PTMA: variants seen among roughly 807,000 people sequenced by gnomAD.
PTMA encodes gene sequence 28.
In PTMA, 4 loss-of-function variants were observed where a neutral mutation model predicts 16.9. The ratio of observed to expected loss-of-function variants is 0.24; its 90% CI spans 0.12 to 0.54. The LOEUF (loss-of-function observed/expected upper bound fraction) is 0.54, where lower values mean the gene tolerates loss of function less well. PTMA is among the 20% of genes least tolerant of loss of function. PTMA has a pLI of 0.95. For synonymous variants in PTMA, 58 were observed against 47.9 expected, an observed-to-expected ratio of 1.21 and a Z score of -0.87; for missense variants, 120 against 137.7, an observed-to-expected ratio of 0.87 and a Z score of 0.64.
At chr2:231,710,960 G>A (rs567855340) in intron 1 of PTMA, among the ~76,000 whole-genome samples, 2 of 152,266 alleles carry the variant, frequency 1.3e-5, no homozygotes, top group African/African-American at 2.4e-5. Flanking sequence ...CTTTCTAGAC[G>A]GCTCGAGGGG....
intron 1 of PTMA, among the ~76,000 whole-genome samples, chr2:231,709,126 C>T (rs956276786): frequency 1.5e-4 from 23 of 152,196 alleles, no homozygotes; most frequent in Admixed American, 6.5e-5. Context: ...AACTCAAGCG[C>T]GTTGGGAATC....
At chr2:231,708,964 G>C (rs1230037765) in intron 1 of PTMA, among the ~76,000 whole-genome samples, 1 of 152,218 alleles carries the variant, frequency 6.6e-6, no homozygotes, top group Non-Finnish European at 1.5e-5. Context: ...GCCCGTCGGG[G>C]AGTGGGCCGG....
intron 1 of PTMA, chr2:231,709,983 A>T: frequency 1.0e-6 from 1 of 1,000,476 alleles, no homozygotes; most frequent in Non-Finnish European, 1.3e-6. Flanking sequence ...TTCTGGACTC[A>T]GTCCGGGAAT....
At chr2:231,712,602 CTGTT>C in intron 4 of PTMA, 86 bp downstream of exon 4, 1 of 1,456,016 alleles carries the variant, frequency 6.9e-7, no homozygotes, top group Non-Finnish European at 9.6e-7. Context: ...TGCGGAGGGA[CTGTT>C]TCTGACTTTG....
Position 231,711,411 on chromosome 2 carries a change from G to A in PTMA, c.109G>A (p.Gly37Arg). 6.2e-7 allele frequency: 1 copy of A among 1,614,102 alleles called. No individual in the cohort carries two copies. Among genetic ancestry groups the A allele is most frequent in the Non-Finnish European group, 8.5e-7 (1 of 1,179,948 alleles). The change falls in exon 2 of 5, where the codon GGG becomes AGG. Residue 37 changes from glycine to arginine, a missense_variant. By Grantham distance (125) the Gly-to-Arg change is moderately radical. Coordinates refer to ENST00000409115, the MANE Select transcript of PTMA (RefSeq NM_002823.5). ...AAATGGAAGAGACGCCCCTGCTAAC[G>A]GGAATGCTGTGAGTGTCTGCTTTGC... ...AENGRDAPAN[G>R]NANEENGEQE...
chr2:231,712,615 T>G, intron 4 of PTMA, 99 bp downstream of exon 4: 1 of 1,406,852 alleles, frequency 7.1e-7, no homozygotes, highest in Non-Finnish European at 9.9e-7. Context: ...TTTCTGACTT[T>G]GTAGGTGGCC....
At chr2:231,710,410 A>T (rs1252277381) in intron 1 of PTMA, 43 of 1,147,928 alleles carry the variant, frequency 3.7e-5, no homozygotes, top group Non-Finnish European at 4.4e-5. Context: ...GCGCGCCGCG[A>T]CCTCCCTGCC....
At position 231,712,794 on chromosome 2, in the gene PTMA, C is replaced by G. The variant is rs1031941273; in HGVS notation, c.286-10C>G. ...GTTGGAGGGGCCTTTGACAGTCTTT[C>G]TCTGCTTAGGATGACGATGTCGATA... On this transcript the variant is annotated splice_polypyrimidine_tract_variant and intron_variant, in intron 4 of 4. Coordinates refer to ENST00000409115, the MANE Select transcript of PTMA (RefSeq NM_002823.5). 1 of 1,593,396 alleles carries G rather than the reference C, an allele frequency of 6.3e-7. No individual in the cohort carries two copies. Among genetic ancestry groups the G allele is most frequent in the East Asian group, 2.3e-5 (1 of 44,210 alleles).
At chr2:231,709,844 TTGGCGCGAGTCAC>T in intron 1 of PTMA, 1 of 224,146 alleles carries the variant, frequency 4.5e-6, no homozygotes, top group East Asian at 9.1e-5. Context: ...CCTGCAGGGA[TTGGCGCGAGTCAC>T]CTTGGCGTCT....
At chr2:231,711,021 C>A (rs955613813) in intron 1 of PTMA, 1 of 268,020 alleles carries the variant, frequency 3.7e-6, no homozygotes, top group South Asian at 4.5e-5. Context: ...GTCCGGGGCT[C>A]GTCCACCCGG....
intron 1 of PTMA, chr2:231,709,686 G>A (rs1344355062): frequency 4.6e-5 from 7 of 152,642 alleles, no homozygotes; most frequent in African/African-American, 1.7e-4. Flanking sequence ...GGTCCTGCGC[G>A]GCTGGTGCGG....
In PTMA at chr2:231,708,577, C is replaced by G. The variant is rs11558929; in HGVS notation, c.-130C>G. 3 of 1,120,598 alleles carry G rather than the reference C, an allele frequency of 2.7e-6. No individual in the cohort carries two copies. Among genetic ancestry groups the G allele is most frequent in the Admixed American group, 3.7e-5 (2 of 54,684 alleles). The allele number at this position is 1,120,598 out of a possible 1,614,324, so 69.4% of individuals were successfully genotyped here. On this transcript the variant is annotated 5_prime_UTR_variant, in exon 1 of 5. Coordinates refer to ENST00000409115, the MANE Select transcript of PTMA (RefSeq NM_002823.5). ...CTTTGCATTGTTCCTCATCCGCCTC[C>G]TTGCTCGCCGCAGCCGCCTCCGCCG...
At chr2:231,711,230 C>T in intron 1 of PTMA, 118 bp from the exon 2 acceptor site, 3 of 807,924 alleles carry the variant, frequency 3.7e-6, no homozygotes, top group South Asian at 3.2e-5. Flanking sequence ...TCTCAACATG[C>T]GACTCTTAAT....
chr2:231,708,557 C>A lies in PTMA; in HGVS notation c.-150C>A, dbSNP rs1018941300. On this transcript the variant is annotated 5_prime_UTR_variant, in exon 1 of 5. Transcript: ENST00000409115. ...TGGCTGCTCTGAAAAGCCATCTTTG[C>A]ATTGTTCCTCATCCGCCTCCTTGCT... 1 of 880,420 alleles carries A rather than the reference C, an allele frequency of 1.1e-6. No individual in the cohort carries two copies. The highest frequency in any genetic ancestry group is 1.8e-6 in the Non-Finnish European group (1 of 547,694). 54.5% of individuals were successfully genotyped at this position (880,420 alleles called of 1,614,324 possible).
intron 4 of PTMA, 112 bp downstream of exon 4, chr2:231,712,628 T>C: frequency 6.1e-6 from 8 of 1,301,450 alleles, no homozygotes; most frequent in South Asian, 1.2e-5. Flanking sequence ...AGGTGGCCAC[T>C]GTGTGGTCCT....
intron 3 of PTMA, 133 bp from the exon 4 acceptor site, chr2:231,712,310 G>T (rs1312702986): frequency 3.1e-6 from 3 of 975,668 alleles, no homozygotes; most frequent in African/African-American, 3.2e-5. Flanking sequence ...GGGCGTGGGT[G>T]CCCTGATTGG....
At chr2:231,710,293 G>A (rs1471346427) in intron 1 of PTMA, 1 of 1,280,830 alleles carries the variant, frequency 7.8e-7, no homozygotes, top group East Asian at 3.0e-5. Context: ...CCGGCCGGGA[G>A]TCTCCAAGGC....
intron 2 of PTMA, 87 bp from the exon 3 acceptor site, chr2:231,711,803 C>T: frequency 6.4e-7 from 1 of 1,567,880 alleles, no homozygotes; most frequent in Admixed American, 2.0e-5. Flanking sequence ...AGCCGCCAGC[C>T]TCTGGTGGGA....
chr2:231,710,136 C>A (rs767350213), intron 1 of PTMA: 26 of 1,251,756 alleles, frequency 2.1e-5, no homozygotes, highest in Admixed American at 1.7e-4. Context: ...CTACGCAGCC[C>A]GGTGGACTTT....
Sources: gnomAD v4.1 joint callset for allele counts (sites outside exome capture counted in the v4.1 genomes callset) on GRCh38, gnomAD v4.1.1 for gene constraint, MANE v1.5 for transcripts, NCBI Gene and HGNC (gene_info 2026-07-23, HGNC 2026-07-21) for gene names.